UBTD1: variants seen among roughly 807,000 people sequenced by gnomAD.
The protein encoded by UBTD1 is ubiquitin domain containing 1.
A neutral mutation model predicts 21.7 loss-of-function variants in UBTD1; 19 were observed. The observed-to-expected ratio is 0.87, with a 90% CI of 0.61 to 1.28. The LOEUF (loss-of-function observed/expected upper bound fraction) is 1.28. Ranked by LOEUF, UBTD1 falls within the 50% of genes most tolerant of loss-of-function variation. The pLI is 0.00. For synonymous variants in UBTD1, 116 were observed against 135.1 expected, an observed-to-expected ratio of 0.86 and a Z score of 0.98; for missense variants, 282 against 315.1, an observed-to-expected ratio of 0.89 and a Z score of 0.80.
intron 1 of UBTD1, among the ~76,000 whole-genome samples, chr10:97,518,710 T>C (rs142493928): frequency 4.2e-4 from 64 of 152,378 alleles, no homozygotes; most frequent in African/African-American, 1.5e-3. Flanking sequence ...GGAGAGTTTA[T>C]GTCACTTGTG....
intron 1 of UBTD1, among the ~76,000 whole-genome samples, chr10:97,550,382 T>C (rs1220403359): frequency 6.6e-6 from 1 of 152,100 alleles, no homozygotes; most frequent in Non-Finnish European, 1.5e-5. Context: ...TGGTGTCACA[T>C]CCCAGTGGCT....
intron 2 of UBTD1, among the ~76,000 whole-genome samples, chr10:97,569,754 G>T (rs564495186): frequency 6.6e-6 from 1 of 152,072 alleles, no homozygotes; most frequent in African/African-American, 2.4e-5. Context: ...CATGGGGAGC[G>T]AGTGGAGAGT....
At chr10:97,525,118 C>T (rs940717475) in intron 1 of UBTD1, among the ~76,000 whole-genome samples, 2 of 152,250 alleles carry the variant, frequency 1.3e-5, no homozygotes, top group African/African-American at 2.4e-5. Flanking sequence ...GCAACTTGCA[C>T]ATGTGCCCCC....
Position 97,568,015 on chromosome 10 carries a change from G to A in UBTD1, c.172G>A (p.Ala58Thr). The A allele has an allele frequency of 1.2e-6, 2 of 1,614,122 alleles. No individual in the cohort carries two copies. Among genetic ancestry groups the A allele is most frequent in the Non-Finnish European group, 1.7e-6 (2 of 1,180,040 alleles). The change falls in exon 2 of 3, where the codon GCG becomes ACG. Residue 58 changes from alanine to threonine, a missense_variant. Transcript: ENST00000370664. ...RSKRDEFWDT[A>T]PAFEGRKEIW... ...CAAACGGGATGAGTTCTGGGACACAGCGCCTGCCTTCGAGGGCCGCAAGGA... is the reference window on the plus strand; with the variant it reads ...CAAACGGGATGAGTTCTGGGACACAACGCCTGCCTTCGAGGGCCGCAAGGA...
intron 1 of UBTD1, among the ~76,000 whole-genome samples, chr10:97,549,975 C>T (rs1373250241): frequency 1.3e-5 from 2 of 152,240 alleles, no homozygotes; most frequent in African/African-American, 4.8e-5. Flanking sequence ...TTCCTGACCC[C>T]TTGTTCCCGC....
chr10:97,558,136 C>T (rs2040674109), intron 1 of UBTD1, among the ~76,000 whole-genome samples: 1 of 152,006 alleles, frequency 6.6e-6, no homozygotes, highest in African/African-American at 2.4e-5. Context: ...CATCCACGTA[C>T]AGCTCCCAGT....
intron 1 of UBTD1, among the ~76,000 whole-genome samples, chr10:97,516,776 A>C (rs1345210352): frequency 6.6e-6 from 1 of 152,004 alleles, no homozygotes. Context: ...GTCTCAAAAA[A>C]AAAAAAGAAA....
chr10:97,512,418 T>A (rs1193785271), intron 1 of UBTD1, among the ~76,000 whole-genome samples: 2 of 152,238 alleles, frequency 1.3e-5, no homozygotes, highest in East Asian at 3.8e-4. Context: ...CTCAGTGTGA[T>A]AGTCCTGCTG....
At chr10:97,521,882 T>C (rs2135664359) in intron 1 of UBTD1, among the ~76,000 whole-genome samples, 1 of 152,388 alleles carries the variant, frequency 6.6e-6, no homozygotes, top group East Asian at 1.9e-4. Context: ...GTAGCTGGCC[T>C]TGGGCTTCTT....
At chr10:97,535,792 C>T (rs1395947761) in intron 1 of UBTD1, among the ~76,000 whole-genome samples, 1 of 151,622 alleles carries the variant, frequency 6.6e-6, no homozygotes, top group African/African-American at 2.4e-5. Context: ...GTGGTGCACT[C>T]CTGTAGTCCT....
intron 1 of UBTD1, among the ~76,000 whole-genome samples, chr10:97,531,550 C>T (rs761825457): frequency 1.1e-4 from 16 of 152,192 alleles, no homozygotes; most frequent in East Asian, 5.8e-4. Context: ...CAAGCCCGGC[C>T]GACATATGTC....
At chr10:97,560,049 A>C (rs1203082527) in intron 1 of UBTD1, among the ~76,000 whole-genome samples, 1 of 152,034 alleles carries the variant, frequency 6.6e-6, no homozygotes, top group Admixed American at 6.6e-5. Context: ...TTTTTGCATA[A>C]ATTTTTTATA....
At chr10:97,499,838 A>C (rs1479851850) in intron 1 of UBTD1, among the ~76,000 whole-genome samples, 1 of 152,204 alleles carries the variant, frequency 6.6e-6, no homozygotes, top group East Asian at 1.9e-4. Flanking sequence ...GGAGTCTATA[A>C]AAGATGGGGT....
intron 1 of UBTD1, among the ~76,000 whole-genome samples, chr10:97,513,687 C>G (rs994313481): frequency 3.9e-5 from 6 of 152,166 alleles, no homozygotes; most frequent in Admixed American, 6.5e-5. Context: ...CAGACAGAGT[C>G]TCCATTCTCA....
In UBTD1 at chr10:97,570,752, A is replaced by G. The variant is rs927297511; in HGVS notation, c.*229A>G. 36 of 550,392 alleles carry G rather than the reference A, an allele frequency of 6.5e-5. No homozygotes were observed. The highest frequency in any genetic ancestry group is 5.0e-4 in the Middle Eastern group (1 of 1,986). The allele number at this position is 550,392 out of a possible 1,614,324, so 34.1% of individuals were successfully genotyped here. ...CAACCTTGTCAGAGAAAAGGCGAACAGGGCCCTCACCCTGCCTGTCTCCCG... is the reference window on the plus strand; with the variant it reads ...CAACCTTGTCAGAGAAAAGGCGAACGGGGCCCTCACCCTGCCTGTCTCCCG... On this transcript the variant is annotated 3_prime_UTR_variant, in exon 3 of 3. Transcript: ENST00000370664. This position sits in a 1 kb window ranked among gnomAD's most constrained non-coding sequence, Gnocchi z 6.6.
At chr10:97,535,795 G>A (rs139176934) in intron 1 of UBTD1, among the ~76,000 whole-genome samples, 1,582 of 151,686 alleles carry the variant, frequency 0.01, 14 homozygotes, top group Non-Finnish European at 0.017. Flanking sequence ...GTGCACTCCT[G>A]TAGTCCTAGC....
chr10:97,565,715 TA>T (rs1390449706), intron 1 of UBTD1, among the ~76,000 whole-genome samples: 2 of 152,122 alleles, frequency 1.3e-5, no homozygotes. Flanking sequence ...ATTTTCTTTT[TA>T]TTTTTTTGAG....
At chr10:97,500,107 G>T (rs1195918094) in intron 1 of UBTD1, among the ~76,000 whole-genome samples, 1 of 152,230 alleles carries the variant, frequency 6.6e-6, no homozygotes, top group Non-Finnish European at 1.5e-5. Context: ...CTGGATTCCA[G>T]ATGGACCCAT....
At chr10:97,528,151 CG>C (rs1267283373) in intron 1 of UBTD1, among the ~76,000 whole-genome samples, 6 of 121,808 alleles carry the variant, frequency 4.9e-5, no homozygotes, top group Non-Finnish European at 9.1e-5. Flanking sequence ...CCCTCCCGGA[CG>C]GGGCGGCTGG....
Sources: allele counts gnomAD v4.1 joint callset (sites outside exome capture counted in the v4.1 genomes callset), GRCh38; gene constraint gnomAD v4.1.1; non-coding constraint Gnocchi (gnomAD v3.1); transcripts MANE v1.5; gene names NCBI Gene and HGNC (gene_info 2026-07-23, HGNC 2026-07-21).